ITSN2: variants seen among roughly 807,000 people sequenced by gnomAD.
ITSN2 encodes the protein intersectin-2.
Under a neutral mutation model 243.7 loss-of-function variants are expected in ITSN2, and 156 were observed. That is an observed-to-expected ratio of 0.64 (90% confidence interval 0.56 to 0.73). ITSN2 has a LOEUF of 0.73. ITSN2 is among the 30% of genes least tolerant of loss of function. ITSN2 has a pLI of 0.00. For missense variants in ITSN2, 1,801 were observed against 1,996.1 expected, an observed-to-expected ratio of 0.90 and a Z score of 1.86; for synonymous variants, 703 against 699.9, an observed-to-expected ratio of 1.00 and a Z score of -0.07.
chr2:24,286,162 GAAGGT>G (rs762182054), intron 16 of ITSN2, 45 bp downstream of exon 16: 17 of 1,062,254 alleles, frequency 1.6e-5, no homozygotes, highest in Middle Eastern at 3.2e-4. Context: ...TCAAAATAAT[GAAGGT>G]AAGAAGGCAG....
chr2:24,291,492 T>C (rs1680249133), intron 15 of ITSN2, among the ~76,000 whole-genome samples: 1 of 684 alleles, frequency 1.5e-3, no homozygotes, highest in Non-Finnish European at 4.2e-3. Flanking sequence ...CTTCTTCCTT[T>C]TTTTTTTTTT....
chr2:24,351,424 C>G (rs1260770945), intron 1 of ITSN2, among the ~76,000 whole-genome samples: 3 of 152,144 alleles, frequency 2.0e-5, no homozygotes. Flanking sequence ...GAAGACAAAC[C>G]CAGCAACTTG....
At chr2:24,234,264 G>A (rs1320606949) in intron 29 of ITSN2, among the ~76,000 whole-genome samples, 1 of 143,370 alleles carries the variant, frequency 7.0e-6, no homozygotes, top group Admixed American at 7.5e-5. Flanking sequence ...TGGAACAACT[G>A]GCCATCCAAA....
chr2:24,343,066 G>C (rs145255582), intron 1 of ITSN2, among the ~76,000 whole-genome samples: 1 of 148,740 alleles, frequency 6.7e-6, no homozygotes, highest in East Asian at 2.0e-4. Flanking sequence ...ACTCCAGCCT[G>C]AGTAACAGAG....
At chr2:24,357,240 T>C (rs191803760) in intron 1 of ITSN2, among the ~76,000 whole-genome samples, 182 of 152,284 alleles carry the variant, frequency 1.2e-3, no homozygotes, top group Non-Finnish European at 2.2e-3. Context: ...TGCCCGTCAA[T>C]GATAGACTGG....
chr2:24,322,219 T>C (rs2551123), intron 2 of ITSN2, among the ~76,000 whole-genome samples: 10,949 of 152,240 alleles, frequency 0.072, 420 homozygotes, highest in Middle Eastern at 0.11. Flanking sequence ...TTCTAAGAGC[T>C]TTACATGTAT....
At chr2:24,252,968 C>T (rs555551988) in intron 24 of ITSN2, among the ~76,000 whole-genome samples, 30 of 152,172 alleles carry the variant, frequency 2.0e-4, no homozygotes, top group Non-Finnish European at 3.4e-4. Flanking sequence ...GTTATGGAAA[C>T]ACTCAATACC....
At chr2:24,360,975 G>A (rs1688944734), upstream of ITSN2, among the ~76,000 whole-genome samples, 1 of 152,234 alleles carries the variant, frequency 6.6e-6, no homozygotes, top group Admixed American at 6.5e-5. Flanking sequence ...GAATTCTCTG[G>A]GAATTGGGGG....
At chr2:24,281,720 G>A (rs1678803737) in intron 17 of ITSN2, among the ~76,000 whole-genome samples, 1 of 152,184 alleles carries the variant, frequency 6.6e-6, no homozygotes, top group South Asian at 2.1e-4. Context: ...TCTGCACTGA[G>A]ATGTCTATTT....
intron 11 of ITSN2, 109 bp from the exon 12 acceptor site, chr2:24,300,280 T>C: frequency 2.1e-6 from 2 of 939,024 alleles, no homozygotes; most frequent in Non-Finnish European, 3.2e-6. Context: ...TATCAGTATT[T>C]GAATACTTCT....
chr2:24,264,314 C>A (rs1676308949), intron 20 of ITSN2, among the ~76,000 whole-genome samples: 1 of 151,552 alleles, frequency 6.6e-6, no homozygotes, highest in South Asian at 2.1e-4. Context: ...TCGCTTGAAC[C>A]AGGAAGGAGG....
chr2:24,223,046 T>C (rs1230354484), intron 29 of ITSN2, among the ~76,000 whole-genome samples: 1 of 152,176 alleles, frequency 6.6e-6, no homozygotes, highest in Non-Finnish European at 1.5e-5. Flanking sequence ...GTTGACAGCA[T>C]GTAGGTACCC....
intron 15 of ITSN2, among the ~76,000 whole-genome samples, chr2:24,289,814 A>G (rs1680003995): frequency 6.6e-6 from 1 of 152,180 alleles, no homozygotes; most frequent in African/African-American, 2.4e-5. Flanking sequence ...ATCAGCTATC[A>G]TCAGTGTTAG....
At chr2:24,309,370 C>T (rs961633613) in intron 7 of ITSN2, among the ~76,000 whole-genome samples, 11 of 152,104 alleles carry the variant, frequency 7.2e-5, no homozygotes, top group African/African-American at 1.2e-4. Context: ...TTTTTTTGTG[C>T]GCATTTTTAG....
chr2:24,248,254 A>G (rs1673656713), intron 27 of ITSN2, among the ~76,000 whole-genome samples: 1 of 152,052 alleles, frequency 6.6e-6, no homozygotes, highest in South Asian at 2.1e-4. Context: ...AATTAGTAGT[A>G]TTTTCTCAGC....
intron 1 of ITSN2, among the ~76,000 whole-genome samples, chr2:24,350,488 A>G (rs954575131): frequency 6.6e-6 from 1 of 152,204 alleles, no homozygotes; most frequent in African/African-American, 2.4e-5. Context: ...AACCCAAGAT[A>G]AATAAAAACA....
chr2:24,321,495 T>C (rs915117157), intron 2 of ITSN2, among the ~76,000 whole-genome samples: 21 of 152,046 alleles, frequency 1.4e-4, no homozygotes, highest in African/African-American at 5.1e-4. Flanking sequence ...TCTATAAATA[T>C]CCTCTCTTAA....
At chr2:24,324,294 G>T (rs1343763265) in intron 2 of ITSN2, among the ~76,000 whole-genome samples, 1 of 151,956 alleles carries the variant, frequency 6.6e-6, no homozygotes, top group Non-Finnish European at 1.5e-5. Flanking sequence ...TAACATACAT[G>T]GGTATATATA....
intron 8 of ITSN2, among the ~76,000 whole-genome samples, chr2:24,304,133 A>G (rs561168884): frequency 6.6e-6 from 1 of 152,362 alleles, no homozygotes; most frequent in South Asian, 2.1e-4. Context: ...GGCTAACGTG[A>G]AAGAACAAGA....
Sources: gnomAD v4.1 joint callset for allele counts (sites outside exome capture counted in the v4.1 genomes callset) on GRCh38, gnomAD v4.1.1 for gene constraint, MANE v1.5 for transcripts, NCBI Gene and HGNC (gene_info 2026-07-23, HGNC 2026-07-21) for gene names.